MGAT4C: variants seen among roughly 807,000 people sequenced by gnomAD.
MGAT4C encodes the protein MGAT4 family member C.
In MGAT4C, 19 loss-of-function variants were observed where a neutral mutation model predicts 40.1. The observed-to-expected ratio is 0.47, with a 90% CI of 0.33 to 0.70. MGAT4C has a LOEUF of 0.70. MGAT4C is among the 30% of genes least tolerant of loss of function. The probability of loss-of-function intolerance (pLI) is 0.02; values close to 1 mark genes in which losing one functional copy is unlikely to be tolerated. For synonymous variants in MGAT4C, 181 were observed against 187.1 expected, an observed-to-expected ratio of 0.97 and a Z score of 0.27; for missense variants, 491 against 563.2, an observed-to-expected ratio of 0.87 and a Z score of 1.30.
chr12:86,496,901 A>G (rs909045554), intron 2 of MGAT4C, among the ~76,000 whole-genome samples: 1 of 152,042 alleles, frequency 6.6e-6, no homozygotes, highest in Non-Finnish European at 1.5e-5. Context: ...TGGGTCTCCC[A>G]TAAAACCATA....
intron 3 of MGAT4C, among the ~76,000 whole-genome samples, chr12:86,416,850 C>A (rs558940120): frequency 1.3e-5 from 2 of 152,174 alleles, no homozygotes; most frequent in South Asian, 2.1e-4. Flanking sequence ...GTCTTCATTG[C>A]AGATATAATC....
At chr12:86,632,265 G>A (rs1257444618) in intron 2 of MGAT4C, among the ~76,000 whole-genome samples, 4 of 152,130 alleles carry the variant, frequency 2.6e-5, no homozygotes, top group Non-Finnish European at 5.9e-5. Flanking sequence ...AACAGGTGCT[G>A]GATAGGATGT....
intron 4 of MGAT4C, among the ~76,000 whole-genome samples, chr12:86,326,133 A>G (rs144814527): frequency 2.6e-5 from 4 of 152,164 alleles, no homozygotes; most frequent in African/African-American, 9.6e-5. Context: ...GTGAGATAAA[A>G]TAAATATATT....
At chr12:86,389,221 T>A (rs1051262036) in intron 3 of MGAT4C, among the ~76,000 whole-genome samples, 1 of 151,986 alleles carries the variant, frequency 6.6e-6, no homozygotes, top group Non-Finnish European at 1.5e-5. Flanking sequence ...GAAGGCCCCA[T>A]TGTGTGTTGT....
At chr12:86,206,139 A>G (rs1187364894) in intron 1 of MGAT4C, among the ~76,000 whole-genome samples, 3 of 152,144 alleles carry the variant, frequency 2.0e-5, no homozygotes, top group Non-Finnish European at 2.9e-5. Flanking sequence ...GTATTGAGAG[A>G]TGGGATCTGA....
intron 3 of MGAT4C, among the ~76,000 whole-genome samples, chr12:86,362,894 G>A (rs955615030): frequency 6.7e-6 from 1 of 149,602 alleles, no homozygotes; most frequent in Admixed American, 6.7e-5. Context: ...AGCATATGAG[G>A]GTGTATATAG....
At chr12:86,595,999 C>T (rs541684185) in intron 2 of MGAT4C, among the ~76,000 whole-genome samples, 290 of 152,146 alleles carry the variant, frequency 1.9e-3, no homozygotes, top group African/African-American at 6.6e-3. Flanking sequence ...CCTTATCAGA[C>T]GCTATTAACT....
intron 4 of MGAT4C, among the ~76,000 whole-genome samples, chr12:85,980,773 A>G (rs1470450229): frequency 6.6e-6 from 1 of 152,134 alleles, no homozygotes; most frequent in Non-Finnish European, 1.5e-5. Context: ...GAGAAGGTAG[A>G]CAGGTACCTA....
At chr12:86,280,074 G>A (rs537406714) in intron 4 of MGAT4C, among the ~76,000 whole-genome samples, 12 of 152,126 alleles carry the variant, frequency 7.9e-5, no homozygotes, top group African/African-American at 2.9e-4. Flanking sequence ...AATGATCTAT[G>A]TGCTTAGGAG....
intron 1 of MGAT4C, among the ~76,000 whole-genome samples, chr12:86,766,062 C>A (rs1267585427): frequency 1.3e-5 from 2 of 152,124 alleles, no homozygotes; most frequent in Non-Finnish European, 2.9e-5. Context: ...AATTAAAAGA[C>A]ACAGACTGGC....
At chr12:86,787,498 T>A (rs1951951861) in intron 1 of MGAT4C, among the ~76,000 whole-genome samples, 1 of 151,958 alleles carries the variant, frequency 6.6e-6, no homozygotes, top group Admixed American at 6.6e-5. Context: ...GTAGTGAGAT[T>A]GCTGGATTCA....
At chr12:86,048,978 G>T (rs1892654813) in intron 2 of MGAT4C, among the ~76,000 whole-genome samples, 1 of 151,844 alleles carries the variant, frequency 6.6e-6, no homozygotes, top group Non-Finnish European at 1.5e-5. Context: ...AAGAGTAAGA[G>T]TAAAATAAAA....
At chr12:86,539,350 G>A (rs1189697258) in intron 2 of MGAT4C, among the ~76,000 whole-genome samples, 3 of 152,146 alleles carry the variant, frequency 2.0e-5, no homozygotes, top group Non-Finnish European at 4.4e-5. Flanking sequence ...CAAAGGACAT[G>A]AACTCATCAT....
At chr12:86,618,727 TAC>T (rs34974189) in intron 2 of MGAT4C, among the ~76,000 whole-genome samples, 4,076 of 152,162 alleles carry the variant, frequency 0.027, 93 homozygotes, top group South Asian at 0.061. Context: ...GGCACAAACA[TAC>T]AGTTAGATAG....
intron 2 of MGAT4C, among the ~76,000 whole-genome samples, chr12:86,580,049 T>C (rs922451999): frequency 6.6e-6 from 1 of 151,526 alleles, no homozygotes; most frequent in Admixed American, 6.6e-5. Flanking sequence ...CTTGGTGGTC[T>C]ATAATCTTCT....
chr12:86,637,903 T>C (rs1963269512), intron 2 of MGAT4C, among the ~76,000 whole-genome samples: 1 of 151,954 alleles, frequency 6.6e-6, no homozygotes, highest in Non-Finnish European at 1.5e-5. Context: ...ATTCTTTTTA[T>C]GTACAGCTAT....
At chr12:86,114,178 A>G (rs1332579153) in intron 1 of MGAT4C, among the ~76,000 whole-genome samples, 1 of 151,794 alleles carries the variant, frequency 6.6e-6, no homozygotes, top group Non-Finnish European at 1.5e-5. Context: ...TTTTATTAAT[A>G]TCCTGGTGTG....
At chr12:86,297,561 A>T (rs1953711673) in intron 4 of MGAT4C, among the ~76,000 whole-genome samples, 5 of 152,158 alleles carry the variant, frequency 3.3e-5, no homozygotes, top group Admixed American at 1.3e-4. Flanking sequence ...AGACTTTCCA[A>T]ATCCCTTGTG....
intron 2 of MGAT4C, among the ~76,000 whole-genome samples, chr12:86,629,613 C>T (rs965748672): frequency 1.3e-5 from 2 of 152,098 alleles, no homozygotes; most frequent in Admixed American, 6.5e-5. Flanking sequence ...TCAAAACCGC[C>T]CAACTACATG....
Sources: gnomAD v4.1 joint callset for allele counts (sites outside exome capture counted in the v4.1 genomes callset) on GRCh38, gnomAD v4.1.1 for gene constraint, MANE v1.5 for transcripts, NCBI Gene and HGNC (gene_info 2026-07-23, HGNC 2026-07-21) for gene names.